DYNC2H1: variants seen among roughly 807,000 people sequenced by gnomAD.
The protein encoded by DYNC2H1 is cytoplasmic dynein 2 heavy chain 1.
In DYNC2H1, 410 loss-of-function variants were observed where a neutral mutation model predicts 570.0. The ratio of observed to expected loss-of-function variants is 0.72; its 90% confidence interval spans 0.66 to 0.78. DYNC2H1 has a LOEUF of 0.78. Among genes scored for constraint, DYNC2H1 ranks in the 30% least tolerant of loss-of-function variants. DYNC2H1 has a pLI of 0.00. For synonymous variants in DYNC2H1, 1,688 were observed against 1,677.6 expected (o/e 1.01, Z -0.15); for missense variants, 4,865 against 5,046.4 (o/e 0.96, Z 1.09).
chr11:103,245,384 T>G lies in DYNC2H1; in HGVS notation c.10042+10T>G, dbSNP rs754275993. On this transcript the variant is annotated intron_variant, in intron 65 of 88. Transcript: ENST00000375735. This position sits in a 1 kb window ranked among gnomAD's most constrained non-coding sequence, Gnocchi z 4.5. ...GATCTGGTTGCTCAAGGTAAATAAT[T>G]GACACTTTCCAGAGTGTAAATATTT... 42 of 1,574,548 alleles carry G rather than the reference T, an allele frequency of 2.7e-5. No homozygotes were observed. Among genetic ancestry groups the G allele is most frequent in the Non-Finnish European group, 3.4e-5 (39 of 1,161,156 alleles).
chr11:103,170,026 T>C lies in DYNC2H1; in HGVS notation c.4969-82T>C, dbSNP rs559876831. The C allele has an allele frequency of 1.3e-4, 164 of 1,285,566 alleles. 2 individuals carry two copies. In the South Asian group the frequency reaches 3.1e-3, roughly 24 times the overall value. 79.6% of individuals were successfully genotyped at this position (1,285,566 alleles called of 1,614,324 possible). A position where few individuals can be genotyped will look rare whatever the true frequency, so the allele number is the denominator to read the frequency against. ...CCTGTTTGTTGCATTTTTATCTTTT[T>C]AACTACAATCTCATGCTGTAAAAAT... On this transcript the variant is annotated intron_variant, in intron 32 of 88. Transcript: ENST00000375735. The surrounding 1 kb of genome is among the most constrained non-coding windows in gnomAD (Gnocchi z 4.8).
chr11:103,341,290 G>A (rs1392141205), intron 82 of DYNC2H1, among the ~76,000 whole-genome samples: 5 of 152,116 alleles, frequency 3.3e-5, no homozygotes, highest in Non-Finnish European at 7.4e-5. Context: ...GATTGTAAAA[G>A]CAAAACTCAG....
chr11:103,211,685 G>A, intron 53 of DYNC2H1, 104 bp from the exon 54 acceptor site: 1 of 486,966 alleles, frequency 2.1e-6, no homozygotes, highest in Non-Finnish European at 3.5e-6. Flanking sequence ...TAACTATATA[G>A]CATGGAAGTA....
intron 31 of DYNC2H1, among the ~76,000 whole-genome samples, chr11:103,167,265 ATT>A (rs1188767892): frequency 3.5e-5 from 5 of 144,068 alleles, no homozygotes; most frequent in Non-Finnish European, 4.6e-5. Flanking sequence ...GCTTTAAAGT[ATT>A]TTTTTTTTTT....
chr11:103,270,764 TCTC>T (rs1865680067), intron 70 of DYNC2H1, among the ~76,000 whole-genome samples: 1 of 152,170 alleles, frequency 6.6e-6, no homozygotes, highest in South Asian at 2.1e-4. Flanking sequence ...CAGCACATGA[TCTC>T]ATCATGTTAC....
Position 103,256,783 on chromosome 11 carries a change from C to A in DYNC2H1, c.10461+543C>A, listed in dbSNP as rs1477675162. ...TCCTATACTCATAGTTCGAACTTTT[C>A]TTCACATCAGAGATAGCCTGATAGC... On this transcript the variant is annotated intron_variant, in intron 68 of 88. Transcript: ENST00000375735. The surrounding 1 kb of genome is among the most constrained non-coding windows in gnomAD (Gnocchi z 4.0). Among the ~76,000 whole-genome samples, 1 of 152,154 alleles carries A rather than the reference C, an allele frequency of 6.6e-6. No homozygotes were observed. Among genetic ancestry groups the A allele is most frequent in the Admixed American group, 6.5e-5 (1 of 15,276 alleles).
chr11:103,219,897 A>G lies in DYNC2H1; in HGVS notation c.8833-18A>G. On this transcript the variant is annotated intron_variant, in intron 55 of 88. Coordinates refer to ENST00000375735, the MANE Select transcript of DYNC2H1 (RefSeq NM_001377.3). ...AAGCATTAAAATTGATTGGAATGCC[A>G]CTTAAATATTCTTATAGGATGCTAG... The G allele has an allele frequency of 2.2e-6, 3 of 1,386,890 alleles. No individual in the cohort carries two copies. The highest frequency in any genetic ancestry group is 2.9e-6 in the Non-Finnish European group (3 of 1,024,916). 85.9% of individuals were successfully genotyped at this position (1,386,890 alleles called of 1,614,324 possible).
intron 87 of DYNC2H1, 84 bp downstream of exon 87, chr11:103,456,440 C>T (rs1944792040): frequency 1.9e-6 from 2 of 1,079,998 alleles, no homozygotes; most frequent in East Asian, 2.6e-5. Context: ...CTCAAAGTGA[C>T]CTATCTTTAT....
At chr11:103,206,573 A>G (rs1400172954) in intron 52 of DYNC2H1, among the ~76,000 whole-genome samples, 3 of 152,186 alleles carry the variant, frequency 2.0e-5, no homozygotes, top group Admixed American at 2.0e-4. Context: ...GGAGAGATGA[A>G]GAGGAAGAAC....
chr11:103,165,151 A>G (rs1861249453), intron 30 of DYNC2H1, among the ~76,000 whole-genome samples: 1 of 152,198 alleles, frequency 6.6e-6, no homozygotes, highest in African/African-American at 2.4e-5. Context: ...TTGCAGTAAG[A>G]CAGCAGCTTA....
At chr11:103,217,776 A>G (rs548149058) in intron 55 of DYNC2H1, among the ~76,000 whole-genome samples, 43 of 152,328 alleles carry the variant, frequency 2.8e-4, no homozygotes, top group Middle Eastern at 3.4e-3. Context: ...CCGAAATGAA[A>G]AGGCAAGTCA....
In DYNC2H1 at chr11:103,303,253, G is replaced by A. The variant is rs1161307474; in HGVS notation, c.11256G>A (p.Gln3752=). The change falls in exon 76 of 89, where the codon CAG becomes CAA. Residue 3752 remains glutamine, a splice_region_variant and synonymous_variant. Transcript: ENST00000375735. ...NAERSGECYH[Q]VAMGQGQADL... Reference sequence around the variant, plus strand: ...AAAGAAGCGGAGAGTGTTATCACCAGGTAAGTACATATTGTCCCGCTGTTT... The same window carrying A: ...AAAGAAGCGGAGAGTGTTATCACCAAGTAAGTACATATTGTCCCGCTGTTT... The A allele has an allele frequency of 6.2e-7, 1 of 1,610,636 alleles. No individual in the cohort carries two copies. The highest frequency in any genetic ancestry group is 8.5e-7 in the Non-Finnish European group (1 of 1,177,886).
chr11:103,168,940 C>T lies in DYNC2H1; in HGVS notation c.4948C>T (p.Gln1650Ter). ...CCVQMVDSEF[Q>*]YTYEYQGNAS... ...TGTTCAAATGGTGGATTCTGAATTT[C>T]AGTATACTTATGAATATCAGGTATG... Residue 1650 changes from glutamine to a stop codon, truncating the protein, a stop_gained, in exon 32 of 89, where the codon CAG (glutamine) becomes TAG (stop). Transcript: ENST00000375735. LOFTEE classifies it high-confidence loss of function. 1.9e-6 allele frequency: 3 copies of T among 1,611,160 alleles called. No homozygotes were observed. The highest frequency in any genetic ancestry group is 2.5e-6 in the Non-Finnish European group (3 of 1,178,960).
intron 28 of DYNC2H1, among the ~76,000 whole-genome samples, chr11:103,159,485 A>G (rs1313992041): frequency 6.6e-6 from 1 of 152,120 alleles, no homozygotes; most frequent in Non-Finnish European, 1.5e-5. Flanking sequence ...TTGTCAGTGA[A>G]GAGACCTAGG....
At chr11:103,316,756 G>C in intron 80 of DYNC2H1, 136 bp downstream of exon 80, 1 of 592,202 alleles carries the variant, frequency 1.7e-6, no homozygotes, top group Non-Finnish European at 2.8e-6. Context: ...TTTTTTATTT[G>C]ACTTCTATAC....
intron 67 of DYNC2H1, 46 bp downstream of exon 67, chr11:103,255,580 T>C: frequency 6.7e-7 from 1 of 1,492,184 alleles, no homozygotes; most frequent in Non-Finnish European, 8.9e-7. Context: ...TTACTTTTTT[T>C]TTAATGAATA....
chr11:103,393,609 G>C (rs531092993), intron 83 of DYNC2H1, among the ~76,000 whole-genome samples: 25 of 152,250 alleles, frequency 1.6e-4, no homozygotes, highest in Admixed American at 5.9e-4. Context: ...CTTTGTATTA[G>C]TGTTCTGTAG....
intron 28 of DYNC2H1, 33 bp from the exon 29 acceptor site, chr11:103,160,899 T>A (rs1052177840): frequency 1.6e-6 from 2 of 1,272,466 alleles, no homozygotes. Context: ...TCTTTAATCC[T>A]TTTGCAATTC....
chr11:103,447,989 C>A lies in DYNC2H1; in HGVS notation c.12457-7197C>A, dbSNP rs146676182. Among the ~76,000 whole-genome samples the A allele has an allele frequency of 7.3e-3, 1,111 of 152,108 alleles. 8 individuals carry two copies. Among genetic ancestry groups the A allele is most frequent in the Non-Finnish European group, 0.012 (834 of 67,952 alleles). Reference sequence around the variant, plus strand: ...AAATATTGAAAGAAAAAGGCTTAGTCTTTTAAGATACCTAAGACATAATTA... The same window carrying A: ...AAATATTGAAAGAAAAAGGCTTAGTATTTTAAGATACCTAAGACATAATTA... On this transcript the variant is annotated intron_variant, in intron 85 of 88. Transcript: ENST00000375735.
Sources: allele counts gnomAD v4.1 joint callset (sites outside exome capture counted in the v4.1 genomes callset), GRCh38; gene constraint gnomAD v4.1.1; non-coding constraint Gnocchi (gnomAD v3.1); transcripts MANE v1.5; gene names NCBI Gene and HGNC (gene_info 2026-07-23, HGNC 2026-07-21).